Variants in SREK1IP1 observed in about 807,000 individuals in gnomAD.
SREK1IP1 encodes protein SREK1IP1.
In SREK1IP1, 12 loss-of-function variants were observed where a neutral mutation model predicts 22.8. The ratio of observed to expected loss-of-function variants is 0.53; its 90% confidence interval spans 0.34 to 0.85. SREK1IP1 has a LOEUF of 0.85. SREK1IP1 is among the 40% of genes least tolerant of loss of function. The probability of loss-of-function intolerance (pLI) is 0.02; values close to 1 mark genes in which losing one functional copy is unlikely to be tolerated. For missense variants in SREK1IP1, 147 were observed against 171.8 expected, an observed-to-expected ratio of 0.86 and a Z score of 0.81; for synonymous variants, 53 against 52.7, an observed-to-expected ratio of 1.01 and a Z score of -0.02.
rs1742386346 is a variant in SREK1IP1 at position 64,731,781 on chromosome 5, G to A, written c.206-3602C>T. ...GGAAAAAAATAATGGCCAGACCAAA[G>A]ATAAAATGTATTAAGAAGGAAAGCA... On this transcript the variant is annotated intron_variant, in intron 3 of 4. Transcript: ENST00000513458. Among the ~76,000 whole-genome samples, 3 of 152,214 alleles carry A rather than the reference G, an allele frequency of 2.0e-5. No homozygotes were observed. In the South Asian group the frequency reaches 6.2e-4, roughly 32 times the overall value.
chr5:64,745,768 C>T (rs1258693869), intron 2 of SREK1IP1, among the ~76,000 whole-genome samples: 1 of 152,100 alleles, frequency 6.6e-6, no homozygotes, highest in African/African-American at 2.4e-5. Flanking sequence ...CAAAGCGACC[C>T]TAAGGTGATA....
At chr5:64,756,728 G>A (rs545064099) in intron 1 of SREK1IP1, among the ~76,000 whole-genome samples, 5 of 151,734 alleles carry the variant, frequency 3.3e-5, no homozygotes, top group Admixed American at 2.0e-4. Flanking sequence ...CCAGGTTCAC[G>A]CCATTCTCCT....
At chr5:64,732,620 T>G (rs1272272269) in intron 3 of SREK1IP1, among the ~76,000 whole-genome samples, 2 of 152,144 alleles carry the variant, frequency 1.3e-5, no homozygotes, top group Non-Finnish European at 2.9e-5. Context: ...ATGACGTCCA[T>G]TCTCCCCAAA....
At position 64,724,320 on chromosome 5, in the gene SREK1IP1, A is replaced by G; in HGVS notation, c.*64T>C. 7.1e-7 allele frequency: 1 copy of G among 1,400,622 alleles called. No individual in the cohort carries two copies. The highest frequency in any genetic ancestry group is 9.6e-7 in the Non-Finnish European group (1 of 1,041,572). 86.8% of individuals were successfully genotyped at this position (1,400,622 alleles called of 1,614,324 possible). On this transcript the variant is annotated 3_prime_UTR_variant, in exon 5 of 5. Transcript: ENST00000513458. ...CAAAGCATAATATATAGCAAATTCC[A>G]AGGAAGGGCAAACACGTTTTAAAAA...
intron 3 of SREK1IP1, among the ~76,000 whole-genome samples, chr5:64,731,234 GA>G: frequency 6.6e-6 from 1 of 152,196 alleles, no homozygotes; most frequent in South Asian, 2.1e-4. Flanking sequence ...ATGTCTCTAA[GA>G]ACAATGAGAG....
rs1248226824 is a variant in SREK1IP1, at chr5:64,723,415, G to A, written c.*969C>T. 6.6e-6 allele frequency: 1 copy of A among 152,140 alleles called. No individual in the cohort carries two copies. The highest frequency in any genetic ancestry group is 2.4e-5 in the African/African-American group (1 of 41,418). The allele number at this position is 152,140 out of a possible 1,614,324, so 9.4% of individuals were successfully genotyped here. On this transcript the variant is annotated 3_prime_UTR_variant, in exon 5 of 5. Transcript: ENST00000513458. Reference sequence around the variant, plus strand: ...AACTTGCTTTAAAACTACAAATTATGTCAGACAAAATAAATATATATGCTC... The same window carrying A: ...AACTTGCTTTAAAACTACAAATTATATCAGACAAAATAAATATATATGCTC...
chr5:64,749,847 C>T (rs551675762), intron 2 of SREK1IP1, among the ~76,000 whole-genome samples: 1 of 152,178 alleles, frequency 6.6e-6, no homozygotes, highest in African/African-American at 2.4e-5. Flanking sequence ...AAACATGTAA[C>T]TGTCCTATGC....
At chr5:64,761,482 AG>A (rs1561392982) in intron 1 of SREK1IP1, among the ~76,000 whole-genome samples, 1 of 152,228 alleles carries the variant, frequency 6.6e-6, no homozygotes, top group Non-Finnish European at 1.5e-5. Flanking sequence ...CTATACACCT[AG>A]GCTATATGGT....
rs1377195291 is a variant in SREK1IP1, at chr5:64,718,577, A to G, written c.*5807T>C. 1 of 152,212 alleles carries G rather than the reference A, an allele frequency of 6.6e-6. No individual in the cohort carries two copies. The highest frequency in any genetic ancestry group is 1.9e-4 in the East Asian group (1 of 5,200). 9.4% of individuals were successfully genotyped at this position (152,212 alleles called of 1,614,324 possible). On this transcript the variant is annotated 3_prime_UTR_variant, in exon 5 of 5. Coordinates refer to ENST00000513458, the MANE Select transcript of SREK1IP1 (RefSeq NM_173829.4). ...AAATATTTTGTTTCAAGAGATAAGC[A>G]TAACAAAAAATCCTTTGCTGATATA...
chr5:64,759,176 G>C (rs772036136), intron 1 of SREK1IP1, among the ~76,000 whole-genome samples: 34 of 152,114 alleles, frequency 2.2e-4, no homozygotes, highest in Non-Finnish European at 3.7e-4. Flanking sequence ...TCTATTTTCT[G>C]ACCCTTATTA....
At chr5:64,727,998 G>A in intron 4 of SREK1IP1, 109 bp downstream of exon 4, 2 of 979,908 alleles carry the variant, frequency 2.0e-6, no homozygotes, top group Non-Finnish European at 2.6e-6. Context: ...AAGCTTAGTT[G>A]TTGAAGAAAA....
intron 2 of SREK1IP1, among the ~76,000 whole-genome samples, chr5:64,744,995 C>T (rs78974790): frequency 0.067 from 10,153 of 152,136 alleles, 1,112 homozygotes; most frequent in African/African-American, 0.23. Flanking sequence ...TCTGACTTTA[C>T]TTGAGGGGCT....
chr5:64,733,896 C>T (rs1395200228), intron 3 of SREK1IP1, among the ~76,000 whole-genome samples: 2 of 151,924 alleles, frequency 1.3e-5, no homozygotes, highest in Admixed American at 6.6e-5. Flanking sequence ...ATTCTATTTA[C>T]AAAACATTAT....
intron 1 of SREK1IP1, among the ~76,000 whole-genome samples, chr5:64,759,975 C>T (rs1742917757): frequency 6.6e-6 from 1 of 152,208 alleles, no homozygotes; most frequent in Admixed American, 6.5e-5. Flanking sequence ...AACAATCTCA[C>T]ATTTGGGAAT....
rs1742161595 is a variant in SREK1IP1, at chr5:64,721,560, C to T, written c.*2824G>A. 1 of 150,656 alleles carries T rather than the reference C, an allele frequency of 6.6e-6. No individual in the cohort carries two copies. The highest frequency in any genetic ancestry group is 2.1e-4 in the South Asian group (1 of 4,786). The allele number at this position is 150,656 out of a possible 1,614,324, so 9.3% of individuals were successfully genotyped here. Reference sequence around the variant, plus strand: ...TAGGGATACCTCTGAGAAATATCAACCAACATATGATATGCAAAAAAAAAA... The same window carrying T: ...TAGGGATACCTCTGAGAAATATCAATCAACATATGATATGCAAAAAAAAAA... On this transcript the variant is annotated 3_prime_UTR_variant, in exon 5 of 5. Coordinates refer to ENST00000513458, the MANE Select transcript of SREK1IP1 (RefSeq NM_173829.4).
At chr5:64,751,177 G>C (rs917600206) in intron 2 of SREK1IP1, among the ~76,000 whole-genome samples, 1 of 152,140 alleles carries the variant, frequency 6.6e-6, no homozygotes, top group Non-Finnish European at 1.5e-5. Context: ...TGTTGCACCT[G>C]ACAATTTCCC....
At chr5:64,742,675 C>T (rs1289133480) in intron 2 of SREK1IP1, among the ~76,000 whole-genome samples, 2 of 152,054 alleles carry the variant, frequency 1.3e-5, no homozygotes, top group African/African-American at 4.8e-5. Context: ...TATTTTTATC[C>T]CCCACATCCT....
chr5:64,745,267 T>A (rs1187084754), intron 2 of SREK1IP1, among the ~76,000 whole-genome samples: 1 of 152,124 alleles, frequency 6.6e-6, no homozygotes, highest in Non-Finnish European at 1.5e-5. Flanking sequence ...GCTTTCTAGG[T>A]TGGTTTGGCT....
intron 3 of SREK1IP1, among the ~76,000 whole-genome samples, chr5:64,729,231 T>C (rs138753900): frequency 2.4e-3 from 365 of 152,348 alleles, no homozygotes; most frequent in Non-Finnish European, 4.3e-3. Flanking sequence ...TGCTATGTAC[T>C]GGGTCTTTGC....
Sources: allele counts gnomAD v4.1 joint callset (sites outside exome capture counted in the v4.1 genomes callset), GRCh38; gene constraint gnomAD v4.1.1; transcripts MANE v1.5; gene names NCBI Gene and HGNC (gene_info 2026-07-23, HGNC 2026-07-21).